The following GARNL3 variants were observed in gnomAD, a reference collection of about 807,000 sequenced individuals.
GARNL3 encodes GTPase-activating Rap/Ran-GAP domain-like protein 3.
In GARNL3, 63 loss-of-function variants were observed where a neutral mutation model predicts 125.0. That is an observed-to-expected ratio of 0.50 (90% CI 0.41 to 0.62). The LOEUF is 0.62. Among genes scored for constraint, GARNL3 ranks in the 20% least tolerant of loss-of-function variants. The pLI is 0.00. For synonymous variants in GARNL3, 439 were observed against 457.5 expected (o/e 0.96, Z 0.52); for missense variants, 994 against 1,244.0 (o/e 0.80, Z 3.02).
chr9:127,229,812 T>G (rs948549955), intron 1 of GARNL3, among the ~76,000 whole-genome samples: 5 of 152,226 alleles, frequency 3.3e-5, no homozygotes, highest in Non-Finnish European at 5.9e-5. Context: ...ATGACTCATG[T>G]TTAGGGCTTT....
chr9:127,273,665 A>G (rs971964690), intron 1 of GARNL3, among the ~76,000 whole-genome samples: 1 of 152,190 alleles, frequency 6.6e-6, no homozygotes, highest in African/African-American at 2.4e-5. Flanking sequence ...AAGCAGCCAG[A>G]TAGATCTTGG....
intron 2 of GARNL3, among the ~76,000 whole-genome samples, chr9:127,246,760 T>C (rs1192681954): frequency 6.6e-6 from 1 of 151,970 alleles, no homozygotes; most frequent in Admixed American, 6.6e-5. Flanking sequence ...TGAGCCGAGA[T>C]TGCATCACAG....
At chr9:127,243,052 G>A in intron 1 of GARNL3, 1 of 1,333,050 alleles carries the variant, frequency 7.5e-7, no homozygotes, top group Admixed American at 2.1e-5. Flanking sequence ...CTGTCTCTTA[G>A]TGCCTTTCCC....
At chr9:127,301,888 G>T (rs1403401945) in intron 2 of GARNL3, among the ~76,000 whole-genome samples, 2 of 129,304 alleles carry the variant, frequency 1.5e-5, no homozygotes, top group Non-Finnish European at 1.6e-5. Context: ...CAATCTTTCA[G>T]CTTTTTACAA....
chr9:127,345,534 T>A, intron 16 of GARNL3, 57 bp downstream of exon 16: 1 of 1,120,526 alleles, frequency 8.9e-7, no homozygotes, highest in Non-Finnish European at 1.3e-6. Flanking sequence ...TTAATGAAAA[T>A]GATTGAGATT....
At chr9:127,298,997 G>A (rs1413539299) in intron 2 of GARNL3, among the ~76,000 whole-genome samples, 10 of 152,064 alleles carry the variant, frequency 6.6e-5, no homozygotes, top group Non-Finnish European at 1.3e-4. Flanking sequence ...AGTCTACAGG[G>A]CTTTTCCAAA....
chr9:127,255,820 A>T (rs2063486097), intron 2 of GARNL3, among the ~76,000 whole-genome samples: 1 of 152,128 alleles, frequency 6.6e-6, no homozygotes, highest in South Asian at 2.1e-4. Flanking sequence ...ACCAGCTCAT[A>T]TCAAAAGACC....
Position 127,385,018 on chromosome 9 carries a change from C to G in GARNL3, c.2270-9C>G. ...GCAGCTGGGAGGTGACACTCCCGTT[C>G]CCTTGCAGTCTGTGCTTTCCCGTAT... On this transcript the variant is annotated splice_polypyrimidine_tract_variant and intron_variant, in intron 23 of 27. Coordinates refer to ENST00000373387, the MANE Select transcript of GARNL3 (RefSeq NM_032293.5). The surrounding 1 kb of genome is among the most constrained non-coding windows in gnomAD (Gnocchi z 4.1). The G allele has an allele frequency of 6.3e-7, 1 of 1,586,322 alleles. No individual in the cohort carries two copies. The highest frequency in any genetic ancestry group is 8.6e-7 in the Non-Finnish European group (1 of 1,158,618).
At chr9:127,294,748 C>A (rs543772686) in intron 2 of GARNL3, among the ~76,000 whole-genome samples, 1 of 152,312 alleles carries the variant, frequency 6.6e-6, no homozygotes, top group East Asian at 1.9e-4. Context: ...ACAAAACATT[C>A]ATTCAACTGG....
intron 7 of GARNL3, among the ~76,000 whole-genome samples, chr9:127,329,773 T>G (rs947254908): frequency 6.6e-6 from 1 of 152,110 alleles, no homozygotes; most frequent in Admixed American, 6.6e-5. Flanking sequence ...GGTCCTACCG[T>G]TCACTTAGTT....
chr9:127,310,392 G>A (rs942865384), intron 2 of GARNL3, among the ~76,000 whole-genome samples: 4 of 152,020 alleles, frequency 2.6e-5, no homozygotes, highest in African/African-American at 9.7e-5. Flanking sequence ...TTTCACAAAA[G>A]AATACAATAA....
At position 127,264,832 on chromosome 9, in the gene GARNL3, G is replaced by A; in HGVS notation, c.-46G>A. 1 of 1,470,068 alleles carries A rather than the reference G, an allele frequency of 6.8e-7. No homozygotes were observed. Among genetic ancestry groups the A allele is most frequent in the Non-Finnish European group, 9.1e-7 (1 of 1,097,980 alleles). 91.1% of individuals were successfully genotyped at this position (1,470,068 alleles called of 1,614,324 possible). A position where few individuals can be genotyped will look rare whatever the true frequency, so the allele number is the denominator to read the frequency against. On this transcript the variant is annotated 5_prime_UTR_variant, in exon 1 of 28. Transcript: ENST00000373387. ...TTGCAAGGAGGCTCCCCTGCAGTGAGGAGCCGGGGCACTGCAAGTCTGTTC... is the reference window on the plus strand; with the variant it reads ...TTGCAAGGAGGCTCCCCTGCAGTGAAGAGCCGGGGCACTGCAAGTCTGTTC...
intron 1 of GARNL3, among the ~76,000 whole-genome samples, chr9:127,275,188 A>T (rs2063922655): frequency 6.6e-6 from 1 of 152,166 alleles, no homozygotes; most frequent in African/African-American, 2.4e-5. Context: ...TTCTGAACTC[A>T]TGCAGGCCTT....
At chr9:127,227,559 C>G (rs1424114500) in intron 1 of GARNL3, among the ~76,000 whole-genome samples, 1 of 152,000 alleles carries the variant, frequency 6.6e-6, no homozygotes, top group African/African-American at 2.4e-5. Context: ...TGAGATTGTG[C>G]CACTGCACTC....
chr9:127,247,241 T>C (rs2131190341), intron 2 of GARNL3, among the ~76,000 whole-genome samples: 1 of 152,304 alleles, frequency 6.6e-6, no homozygotes, highest in Admixed American at 6.5e-5. Context: ...TTCACTGTTG[T>C]GTACACTGAA....
At chr9:127,302,834 A>C (rs2064840465) in intron 2 of GARNL3, among the ~76,000 whole-genome samples, 1 of 152,222 alleles carries the variant, frequency 6.6e-6, no homozygotes, top group Admixed American at 6.5e-5. Context: ...AAAAGAACAA[A>C]ATAGATCTAT....
intron 22 of GARNL3, among the ~76,000 whole-genome samples, chr9:127,378,906 G>A (rs1832091039): frequency 6.6e-6 from 1 of 152,160 alleles, no homozygotes; most frequent in Non-Finnish European, 1.5e-5. Context: ...CTCCCGAGTA[G>A]CTGGGATTAC....
chr9:127,262,090 T>C (rs1183027918), upstream of GARNL3, among the ~76,000 whole-genome samples: 1 of 152,202 alleles, frequency 6.6e-6, no homozygotes, highest in Non-Finnish European at 1.5e-5. Flanking sequence ...TTTCTATCTT[T>C]CCAGCCTCTG....
chr9:127,365,200 ACAGAG>A, intron 21 of GARNL3, 95 bp from the exon 22 acceptor site: 1 of 953,656 alleles, frequency 1.0e-6, no homozygotes. Flanking sequence ...CACCTGCATG[ACAGAG>A]GGCCTCGGCC....
Sources: gnomAD v4.1 joint callset for allele counts (sites outside exome capture counted in the v4.1 genomes callset) on GRCh38, gnomAD v4.1.1 for gene constraint, Gnocchi (gnomAD v3.1) non-coding constraint, MANE v1.5 for transcripts, NCBI Gene and HGNC (gene_info 2026-07-23, HGNC 2026-07-21) for gene names.